Variants in CDK17 observed in about 807,000 individuals in gnomAD.
CDK17 encodes cyclin dependent kinase 17, also known as cyclin-dependent kinase 17.
Under a neutral mutation model 77.6 loss-of-function variants are expected in CDK17, and 24 were observed. The ratio of observed to expected loss-of-function variants is 0.31; its 90% CI spans 0.22 to 0.44. The LOEUF is 0.44. CDK17 is among the 20% of genes least tolerant of loss of function. CDK17 has a pLI of 1.00. For missense variants in CDK17, 429 were observed against 622.5 expected (o/e 0.69, Z 3.31); for synonymous variants, 203 against 210.4 (o/e 0.96, Z 0.30).
chr12:96,297,881 G>A (rs911612050), intron 7 of CDK17, among the ~76,000 whole-genome samples, 160 bp from the exon 8 acceptor site: 20 of 151,584 alleles, frequency 1.3e-4, no homozygotes, highest in African/African-American at 4.1e-4. Flanking sequence ...CGAGGCAGGC[G>A]GATCACTTGA....
chr12:96,310,965 TA>T, intron 5 of CDK17, 86 bp downstream of exon 5: 4 of 1,368,622 alleles, frequency 2.9e-6, no homozygotes, highest in Non-Finnish European at 4.0e-6. Flanking sequence ...AAGTCAAGTA[TA>T]AAAATTAATT....
rs529019234 is a variant in CDK17 at position 96,316,692 on chromosome 12, G to C, written c.284-3238C>G. Among the ~76,000 whole-genome samples, 6 of 126,646 alleles carry C rather than the reference G, an allele frequency of 4.7e-5. 1 individual carries two copies. Among genetic ancestry groups the C allele is most frequent in the Admixed American group, 8.7e-5 (1 of 11,550 alleles). 83.1% of individuals were successfully genotyped at this position (126,646 alleles called of 152,430 possible). A position where few individuals can be genotyped will look rare whatever the true frequency, so the allele number is the denominator to read the frequency against. On this transcript the variant is annotated intron_variant, in intron 3 of 16. Transcript: ENST00000261211. The stretch of plus-strand genomic sequence containing the variant: ...TAACTGTGAGGCACCCCCCAGCAGG[G>C]GCACACTGACACCTCACACGGCAGG...
chr12:96,311,773 T>C (rs1952648414), intron 4 of CDK17, among the ~76,000 whole-genome samples: 1 of 151,558 alleles, frequency 6.6e-6, no homozygotes, highest in African/African-American at 2.4e-5. Flanking sequence ...TACTGAGAAA[T>C]ATAAGACTTA....
At chr12:96,334,322 G>A (rs71460343) in intron 2 of CDK17, among the ~76,000 whole-genome samples, 4,524 of 152,222 alleles carry the variant, frequency 0.03, 101 homozygotes, top group South Asian at 0.052. Context: ...TTATGAAACT[G>A]ATGAAGCCAC....
At chr12:96,288,866 T>C (rs1337044781) in intron 11 of CDK17, among the ~76,000 whole-genome samples, 1 of 152,230 alleles carries the variant, frequency 6.6e-6, no homozygotes, top group Non-Finnish European at 1.5e-5. Context: ...TGAGTGTTCA[T>C]TTAATCTTAA....
At chr12:96,340,727 A>G (rs189663956) in intron 1 of CDK17, among the ~76,000 whole-genome samples, 27 of 152,324 alleles carry the variant, frequency 1.8e-4, no homozygotes, top group Non-Finnish European at 3.5e-4. Flanking sequence ...ATTTACTATA[A>G]TAGGGCAGTG....
Position 96,400,355 on chromosome 12 carries a change from C to A in CDK17, c.-399G>T, listed in dbSNP as rs1045624121. On this transcript the variant is annotated 5_prime_UTR_variant, in exon 1 of 17. Coordinates refer to ENST00000261211, the MANE Select transcript of CDK17 (RefSeq NM_002595.5). ...TGGCTCCTTCTCCGCGGCTCTGCGG[C>A]GGCCCGCGGGGAGCTCAGGAGACTG... The A allele has an allele frequency of 1.3e-5, 5 of 386,024 alleles. No homozygotes were observed. Among genetic ancestry groups the A allele is most frequent in the Non-Finnish European group, 1.4e-5 (3 of 218,296 alleles). 23.9% of individuals were successfully genotyped at this position (386,024 alleles called of 1,614,324 possible).
At chr12:96,316,164 G>A (rs1271317482) in intron 3 of CDK17, among the ~76,000 whole-genome samples, 2 of 152,178 alleles carry the variant, frequency 1.3e-5, no homozygotes, top group African/African-American at 2.4e-5. Context: ...GGGTCAGGGA[G>A]TTCTCTTTCC....
intron 3 of CDK17, among the ~76,000 whole-genome samples, chr12:96,319,567 G>A (rs1178061606): frequency 7.0e-5 from 10 of 143,010 alleles, no homozygotes; most frequent in Non-Finnish European, 1.4e-4. Context: ...ACTGGCAAAC[G>A]GAATCCAGCA....
intron 1 of CDK17, among the ~76,000 whole-genome samples, chr12:96,345,339 T>C (rs1358420728): frequency 6.6e-6 from 1 of 152,236 alleles, no homozygotes; most frequent in Non-Finnish European, 1.5e-5. Context: ...TTTGGGTATA[T>C]ACCCAGTAAT....
chr12:96,346,888 C>G (rs1328589660), intron 1 of CDK17, among the ~76,000 whole-genome samples: 1 of 151,408 alleles, frequency 6.6e-6, no homozygotes, highest in Non-Finnish European at 1.5e-5. Flanking sequence ...GCACTCCAGC[C>G]TGGTGAGGGA....
intron 1 of CDK17, among the ~76,000 whole-genome samples, chr12:96,352,035 C>G (rs1435412709): frequency 6.6e-6 from 1 of 152,094 alleles, no homozygotes; most frequent in African/African-American, 2.4e-5. Flanking sequence ...GAAAAGAAAA[C>G]AGGGCTGGGA....
chr12:96,344,243 T>C (rs565948659), intron 1 of CDK17, among the ~76,000 whole-genome samples: 105 of 152,152 alleles, frequency 6.9e-4, no homozygotes, highest in South Asian at 3.7e-3. Context: ...CTACACAGCA[T>C]AGGAGCCCCC....
chr12:96,353,307 C>T (rs1306829223), intron 1 of CDK17, among the ~76,000 whole-genome samples: 2 of 152,126 alleles, frequency 1.3e-5, no homozygotes, highest in Admixed American at 6.6e-5. Flanking sequence ...TGTAGCTATA[C>T]GTCATCTTTC....
At chr12:96,349,235 C>T (rs1325344330) in intron 1 of CDK17, among the ~76,000 whole-genome samples, 2 of 152,130 alleles carry the variant, frequency 1.3e-5, no homozygotes, top group Non-Finnish European at 2.9e-5. Context: ...AGGTAGATCA[C>T]CTGAGGTCAG....
In CDK17 at chr12:96,295,091, G is replaced by A. The variant is rs1337674259; in HGVS notation, c.905C>T (p.Ala302Val). Residue 302 changes from alanine (A) to valine (V), a missense_variant, in exon 10 of 17, where the codon GCA becomes GTA. Ala to Val is a moderately conservative substitution (Grantham distance 64). Coordinates refer to ENST00000261211, the MANE Select transcript of CDK17 (RefSeq NM_002595.5). The stretch of plus-strand genomic sequence containing the variant: ...CAATACCTTTCTTCTATGGCAATAT[G>A]CCAAACCACGTAGAATTTGGTACAG... ...LFLYQILRGL[A>V]YCHRRKVLHR... is the part of the protein sequence containing the mutation. 6.2e-7 allele frequency: 1 copy of A among 1,609,458 alleles called. No individual in the cohort carries two copies.
chr12:96,313,310 T>A lies in CDK17; in HGVS notation c.417+11A>T, dbSNP rs1387188532. 2 of 1,568,232 alleles carry A rather than the reference T, an allele frequency of 1.3e-6. No homozygotes were observed. The highest frequency in any genetic ancestry group is 8.6e-7 in the Non-Finnish European group (1 of 1,162,592). On this transcript the variant is annotated intron_variant, in intron 4 of 16. Coordinates refer to ENST00000261211, the MANE Select transcript of CDK17 (RefSeq NM_002595.5). ...TATTCACAAGTATATTTGTATTTTT[T>A]AAATGATTACCTCCATTGAGATCCG... is the stretch of plus-strand genomic sequence containing the variant.
intron 1 of CDK17, among the ~76,000 whole-genome samples, chr12:96,374,192 T>C: frequency 6.6e-6 from 1 of 152,190 alleles, no homozygotes; most frequent in East Asian, 1.9e-4. Flanking sequence ...GCAGCCAAAT[T>C]GGTAAAATTA....
intron 1 of CDK17, among the ~76,000 whole-genome samples, chr12:96,368,726 T>C (rs965000857): frequency 6.8e-6 from 1 of 147,500 alleles, no homozygotes; most frequent in South Asian, 2.1e-4. Context: ...TATGAAACCA[T>C]AATACTGGCT....
Sources: gnomAD v4.1 joint callset for allele counts (sites outside exome capture counted in the v4.1 genomes callset) on GRCh38, gnomAD v4.1.1 for gene constraint, MANE v1.5 for transcripts, NCBI Gene and HGNC (gene_info 2026-07-23, HGNC 2026-07-21) for gene names.